ATP13A4: variants seen among roughly 807,000 people sequenced by gnomAD.
ATP13A4 encodes ATPase 13A4.
Under a neutral mutation model 142.5 loss-of-function variants are expected in ATP13A4, and 114 were observed. The observed-to-expected ratio is 0.80, with a 90% CI of 0.69 to 0.93. The LOEUF (loss-of-function observed/expected upper bound fraction) is 0.93. Among genes scored for constraint, ATP13A4 ranks in the 40% least tolerant of loss-of-function variants. ATP13A4 has a pLI of 0.00. For synonymous variants in ATP13A4, 488 were observed against 514.8 expected (o/e 0.95, Z 0.70); for missense variants, 1,392 against 1,454.0 (o/e 0.96, Z 0.69).
At chr3:193,528,208 C>T (rs1382281918) in intron 1 of ATP13A4, among the ~76,000 whole-genome samples, 2 of 152,234 alleles carry the variant, frequency 1.3e-5, no homozygotes, top group Non-Finnish European at 2.9e-5. Context: ...CGAGAACCCC[C>T]ATGCTTGGCC....
At chr3:193,480,747 TACCATTTGATCC>T in intron 8 of ATP13A4, among the ~76,000 whole-genome samples, 1 of 152,282 alleles carries the variant, frequency 6.6e-6, no homozygotes, top group South Asian at 2.1e-4. Flanking sequence ...AAAGTAAATC[TACCATTTGATCC>T]AGCAATTCCA....
At chr3:193,455,557 G>A (rs1576981476) in intron 16 of ATP13A4, among the ~76,000 whole-genome samples, 1 of 152,296 alleles carries the variant, frequency 6.6e-6, no homozygotes, top group Middle Eastern at 3.4e-3. Context: ...AGGTTGTAGA[G>A]AGAAAGAAGT....
intron 1 of ATP13A4, among the ~76,000 whole-genome samples, chr3:193,531,695 G>T (rs1722349829): frequency 6.6e-6 from 1 of 152,178 alleles, no homozygotes; most frequent in African/African-American, 2.4e-5. Context: ...TTTGCTGGGG[G>T]ATATGTCAAG....
intron 21 of ATP13A4, 77 bp downstream of exon 21, chr3:193,440,481 T>G: frequency 3.1e-6 from 5 of 1,602,696 alleles, no homozygotes; most frequent in Non-Finnish European, 4.3e-6. Context: ...ACTGAGTGAC[T>G]CCTGGTACCT....
In ATP13A4 at chr3:193,457,447, C is replaced by T; in HGVS notation, c.1693G>A (p.Asp565Asn). The change falls in exon 15 of 30, where the codon GAC (aspartate) becomes AAC (asparagine). Residue 565 changes from aspartate (D) to asparagine (N), a missense_variant. Transcript: ENST00000342695. The stretch of plus-strand genomic sequence containing the variant: ...GGCACTCCCTTGATGTGGAAATCGT[C>T]CCCAGAAAAAGCCATTTCCTATTTC... ...ATTWEMAFSGDDFHIKGVPAH... is the reference protein window; with the variant it reads ...ATTWEMAFSGNDFHIKGVPAH... The T allele has an allele frequency of 1.2e-6, 2 of 1,614,092 alleles. No homozygotes were observed. The highest frequency in any genetic ancestry group is 1.7e-6 in the Non-Finnish European group (2 of 1,179,986).
intron 8 of ATP13A4, among the ~76,000 whole-genome samples, chr3:193,481,482 T>C (rs144727527): frequency 6.6e-6 from 1 of 152,326 alleles, no homozygotes; most frequent in African/African-American, 2.4e-5. Flanking sequence ...CCTGTATCAC[T>C]GCACTTATGG....
intron 2 of ATP13A4, chr3:193,579,096 G>A (rs1283347651): frequency 5.8e-6 from 1 of 171,116 alleles, no homozygotes; most frequent in African/African-American, 2.4e-5. Context: ...CAGCCCACCT[G>A]ATATGTCCCT....
chr3:193,464,079 A>C (rs1718120658), intron 12 of ATP13A4, among the ~76,000 whole-genome samples: 1 of 152,256 alleles, frequency 6.6e-6, no homozygotes. Flanking sequence ...TGTTATGTGT[A>C]TTTTACCACA....
chr3:193,554,433 G>A (rs1312588100), intron 1 of ATP13A4: 2 of 450,190 alleles, frequency 4.4e-6, no homozygotes, highest in East Asian at 4.6e-5. Context: ...CTATACCAAT[G>A]AGGCTCAAAC....
chr3:193,504,020 T>TGTGA (rs1034644341), intron 2 of ATP13A4, among the ~76,000 whole-genome samples: 20 of 144,316 alleles, frequency 1.4e-4, no homozygotes, highest in African/African-American at 4.7e-4. Context: ...TGTGTGTGTG[T>TGTGA]GAGAGAGAGA....
intron 1 of ATP13A4, among the ~76,000 whole-genome samples, chr3:193,515,542 T>G (rs1460362776): frequency 6.6e-6 from 1 of 152,170 alleles, no homozygotes; most frequent in Admixed American, 6.5e-5. Context: ...CAACAAACAA[T>G]TTTATGTCAA....
At chr3:193,438,718 G>T in intron 22 of ATP13A4, 134 bp from the exon 23 acceptor site, 1 of 790,044 alleles carries the variant, frequency 1.3e-6, no homozygotes, top group Non-Finnish European at 2.1e-6. Flanking sequence ...ACTTAACCCT[G>T]CCTGGAACAT....
At position 193,435,649 on chromosome 3, in the gene ATP13A4, C is replaced by A. The variant is rs988490567; in HGVS notation, c.2768G>T (p.Trp923Leu). 1 of 1,612,572 alleles carries A rather than the reference C, an allele frequency of 6.2e-7. No individual in the cohort carries two copies. The highest frequency in any genetic ancestry group is 8.5e-7 in the Non-Finnish European group (1 of 1,178,718). The change falls in exon 24 of 30, where the codon TGG becomes TTG. Residue 923 changes from tryptophan to leucine, a missense_variant and splice_region_variant. Coordinates refer to ENST00000342695, the MANE Select transcript of ATP13A4 (RefSeq NM_032279.4). ...AAGAGGCTAAGTCCCAAGTCATACCCAGTAGAGCAGCAGAACACCAACATA... is the reference window on the plus strand; with the variant it reads ...AAGAGGCTAAGTCCCAAGTCATACCAAGTAGAGCAGCAGAACACCAACATA... ...IQYVGVLLLYWETNSLSNYQF... is the reference protein window; with the variant it reads ...IQYVGVLLLYLETNSLSNYQF...
In ATP13A4 at chr3:193,413,654, G is replaced by C. The variant is rs141455179; in HGVS notation, c.3014+925C>G. Among the ~76,000 whole-genome samples the C allele has an allele frequency of 8.0e-3, 1,225 of 152,288 alleles. 16 individuals carry two copies. Among genetic ancestry groups the C allele is most frequent in the Non-Finnish European group, 0.012 (801 of 68,028 alleles). On this transcript the variant is annotated intron_variant, in intron 26 of 29. Coordinates refer to ENST00000342695, the MANE Select transcript of ATP13A4 (RefSeq NM_032279.4). Reference sequence around the variant, plus strand: ...GGGAGTGTCTGTCTTATGTGGTTGAGATAAGGACTGAAATACACCCTGATC... The same window carrying C: ...GGGAGTGTCTGTCTTATGTGGTTGACATAAGGACTGAAATACACCCTGATC...
chr3:193,477,129 A>T (rs918062657), intron 8 of ATP13A4, among the ~76,000 whole-genome samples: 1 of 152,120 alleles, frequency 6.6e-6, no homozygotes, highest in Non-Finnish European at 1.5e-5. Flanking sequence ...TTGCATATGT[A>T]TCATAAGTAT....
At chr3:193,468,620 G>T (rs538912466) in intron 9 of ATP13A4, among the ~76,000 whole-genome samples, 1 of 152,276 alleles carries the variant, frequency 6.6e-6, no homozygotes, top group East Asian at 1.9e-4. Flanking sequence ...GGTGGTGCAT[G>T]CCTATAATCC....
At chr3:193,409,338 C>G (rs1194863201) in intron 28 of ATP13A4, among the ~76,000 whole-genome samples, 2 of 150,494 alleles carry the variant, frequency 1.3e-5, no homozygotes, top group Non-Finnish European at 2.9e-5. Context: ...CTAAAAAGAA[C>G]ACATATTTTT....
intron 1 of ATP13A4, among the ~76,000 whole-genome samples, chr3:193,528,761 T>C (rs188203540): frequency 3.4e-4 from 52 of 152,280 alleles, no homozygotes; most frequent in Admixed American, 1.6e-3. Flanking sequence ...AAACTTTATA[T>C]TACCACACCC....
chr3:193,549,818 C>A (rs1723444720), intron 1 of ATP13A4, among the ~76,000 whole-genome samples: 1 of 151,906 alleles, frequency 6.6e-6, no homozygotes, highest in South Asian at 2.1e-4. Context: ...GACAGAGACC[C>A]TTTCTCCAAA....
Sources: allele counts gnomAD v4.1 joint callset (sites outside exome capture counted in the v4.1 genomes callset), GRCh38; gene constraint gnomAD v4.1.1; transcripts MANE v1.5; gene names NCBI Gene and HGNC (gene_info 2026-07-23, HGNC 2026-07-21).